The following NEDD4 variants were observed in gnomAD, a reference collection of about 807,000 sequenced individuals.
NEDD4 encodes E3 ubiquitin-protein ligase NEDD4.
NEDD4 carries 99 observed loss-of-function variants against 144.9 expected under a neutral mutation model. The observed-to-expected ratio is 0.68, with a 90% CI of 0.58 to 0.81. NEDD4 has a LOEUF of 0.81. Among genes scored for constraint, NEDD4 ranks in the 30% least tolerant of loss-of-function variants. NEDD4 has a pLI of 0.00. For missense variants in NEDD4, 985 were observed against 1,065.9 expected (o/e 0.92, Z 1.06); for synonymous variants, 318 against 350.6 (o/e 0.91, Z 1.04).
rs1159554048 is a variant in NEDD4, at chr15:55,946,656, CCAAA to C, written c.237+4716_237+4719del. On this transcript the variant is annotated intron_variant, in intron 4 of 28. Coordinates refer to ENST00000435532, the MANE Select transcript of NEDD4 (RefSeq NM_006154.4). ...TGAACTCAGCTCTGCACCAAGTGGACCAAACAGACATCTACAGAACTCTCCACCC... is the reference window on the plus strand; with the variant it reads ...TGAACTCAGCTCTGCACCAAGTGGACCAGACATCTACAGAACTCTCCACCC... Among the ~76,000 whole-genome samples the C allele has an allele frequency of 7.9e-5, 12 of 152,188 alleles. No homozygotes were observed. In the East Asian group the frequency reaches 2.1e-3, roughly 27 times the overall value.
At chr15:55,930,043 G>T (rs1454429397) in intron 4 of NEDD4, among the ~76,000 whole-genome samples, 2 of 152,052 alleles carry the variant, frequency 1.3e-5, no homozygotes, top group Non-Finnish European at 2.9e-5. Flanking sequence ...TAAAAAAGAG[G>T]ATTTTCTGAA....
intron 12 of NEDD4, among the ~76,000 whole-genome samples, chr15:55,855,805 T>C (rs1289677397): frequency 6.6e-6 from 1 of 152,240 alleles, no homozygotes; most frequent in East Asian, 1.9e-4. Flanking sequence ...GCCATGTGCA[T>C]GTGCAGAACA....
chr15:55,872,448 T>A lies in NEDD4; in HGVS notation c.371A>T (p.Tyr124Phe). 1 of 1,471,528 alleles carries A rather than the reference T, an allele frequency of 6.8e-7. No homozygotes were observed. Among genetic ancestry groups the A allele is most frequent in the Non-Finnish European group, 9.1e-7 (1 of 1,094,300 alleles). The allele number at this position is 1,471,528 out of a possible 1,614,324, so 91.2% of individuals were successfully genotyped here. Residue 124 changes from tyrosine to phenylalanine, a missense_variant, in exon 7 of 29, where the codon TAT becomes TTT. Transcript: ENST00000435532. ...PTENPRLERPYTFKDFVLHPR... is the reference protein window; with the variant it reads ...PTENPRLERPFTFKDFVLHPR... ...ATGAAGAACAAAATCCTTAAATGTA[T>A]ATGGTCTCTCCAATCTTGGATTTTC... is the stretch of plus-strand genomic sequence containing the variant.
chr15:55,992,534 T>A (rs1393429672), intron 1 of NEDD4, among the ~76,000 whole-genome samples: 3 of 152,214 alleles, frequency 2.0e-5, no homozygotes, highest in Admixed American at 2.0e-4. Context: ...AAAAGGTACA[T>A]GTGGCAGCTT....
intron 1 of NEDD4, among the ~76,000 whole-genome samples, chr15:55,968,026 A>C (rs1324160653): frequency 2.6e-5 from 4 of 152,176 alleles, no homozygotes; most frequent in Non-Finnish European, 5.9e-5. Context: ...AATATTGAAG[A>C]ATGTAAAGAA....
intron 5 of NEDD4, among the ~76,000 whole-genome samples, chr15:55,890,555 C>A (rs1251696272): frequency 1.3e-5 from 2 of 152,110 alleles, no homozygotes; most frequent in Non-Finnish European, 2.9e-5. Flanking sequence ...TATGGATATA[C>A]CACATTTTAT....
intron 11 of NEDD4, among the ~76,000 whole-genome samples, chr15:55,857,373 G>A (rs1450225882): frequency 1.3e-5 from 2 of 152,096 alleles, no homozygotes; most frequent in Non-Finnish European, 2.9e-5. Flanking sequence ...CTGATGCCCA[G>A]GCTGGAGTAT....
intron 4 of NEDD4, among the ~76,000 whole-genome samples, chr15:55,938,544 T>TTGATAA (rs2036935918): frequency 6.6e-6 from 1 of 152,118 alleles, no homozygotes; most frequent in Admixed American, 6.5e-5. Context: ...GACTTTGGTC[T>TTGATAA]TGACAATGAC....
chr15:55,993,156 C>A (rs1347492789), intron 1 of NEDD4, among the ~76,000 whole-genome samples: 1 of 152,240 alleles, frequency 6.6e-6, no homozygotes, highest in East Asian at 1.9e-4. Flanking sequence ...CTGGGAGCTC[C>A]GCACACCCGG....
At chr15:55,873,488 C>T (rs74015329) in intron 6 of NEDD4, among the ~76,000 whole-genome samples, 3,177 of 152,250 alleles carry the variant, frequency 0.021, 120 homozygotes, top group African/African-American at 0.073. Flanking sequence ...ATTATCTTTA[C>T]TTCTTGCTTA....
intron 5 of NEDD4, chr15:55,916,127 A>G: frequency 1.2e-6 from 2 of 1,614,006 alleles, no homozygotes. Context: ...CCTGGACAAA[A>G]GGATCTGTAC....
At chr15:55,961,336 GA>G (rs1177754001) in intron 2 of NEDD4, among the ~76,000 whole-genome samples, 6 of 150,648 alleles carry the variant, frequency 4.0e-5, no homozygotes, top group African/African-American at 7.3e-5. Flanking sequence ...AAAAAAAGTA[GA>G]AAAAAAAATA....
At chr15:55,908,733 T>C (rs1055948507) in intron 5 of NEDD4, among the ~76,000 whole-genome samples, 7 of 152,252 alleles carry the variant, frequency 4.6e-5, no homozygotes, top group Non-Finnish European at 7.4e-5. Context: ...TCTAATTCCT[T>C]AATAAAGCAT....
intron 4 of NEDD4, among the ~76,000 whole-genome samples, chr15:55,933,532 G>T (rs1304364547): frequency 2.3e-5 from 3 of 129,028 alleles, no homozygotes; most frequent in African/African-American, 8.7e-5. Flanking sequence ...CCTGTCGTGG[G>T]GTGGGGGGAG....
intron 8 of NEDD4, among the ~76,000 whole-genome samples, chr15:55,867,047 C>T (rs1159982947): frequency 6.6e-6 from 1 of 152,154 alleles, no homozygotes; most frequent in African/African-American, 2.4e-5. Context: ...AAAATACATA[C>T]AACTAACCCT....
At chr15:55,974,589 TA>T (rs1249942411) in intron 1 of NEDD4, among the ~76,000 whole-genome samples, 6 of 152,170 alleles carry the variant, frequency 3.9e-5, no homozygotes, top group Non-Finnish European at 7.4e-5. Context: ...GTGGGATTCA[TA>T]TCAGGGATGA....
Position 55,932,414 on chromosome 15 carries a change from G to A in NEDD4, c.238-7715C>T, listed in dbSNP as rs7181820. Among the ~76,000 whole-genome samples, 780 of 152,234 alleles carry A rather than the reference G, an allele frequency of 5.1e-3. 7 individuals are homozygous for A. The highest frequency in any genetic ancestry group is 0.018 in the African/African-American group (756 of 41,526). ...GACAAACCTGACAAAAACAAGAAACGGGGAAAGGATTCCCTATTTAATAAA... is the reference window on the plus strand; with the variant it reads ...GACAAACCTGACAAAAACAAGAAACAGGGAAAGGATTCCCTATTTAATAAA... On this transcript the variant is annotated intron_variant, in intron 4 of 28. Transcript: ENST00000435532.
chr15:55,967,402 C>G (rs1392286599), intron 1 of NEDD4, among the ~76,000 whole-genome samples: 1 of 150,856 alleles, frequency 6.6e-6, no homozygotes, highest in Non-Finnish European at 1.5e-5. Context: ...AACTTATTTT[C>G]AAATAACTTA....
At chr15:55,990,712 C>G (rs1488726685) in intron 1 of NEDD4, among the ~76,000 whole-genome samples, 1 of 152,076 alleles carries the variant, frequency 6.6e-6, no homozygotes, top group Non-Finnish European at 1.5e-5. Context: ...GTTTAGTTTT[C>G]CCACCTCCAT....
Sources: allele counts gnomAD v4.1 joint callset (sites outside exome capture counted in the v4.1 genomes callset), GRCh38; gene constraint gnomAD v4.1.1; transcripts MANE v1.5; gene names NCBI Gene and HGNC (gene_info 2026-07-23, HGNC 2026-07-21).